GRM8: variants seen among roughly 807,000 people sequenced by gnomAD.
GRM8 encodes the protein glutamate metabotropic receptor 8, also known as metabotropic glutamate receptor 8.
Under a neutral mutation model 87.2 loss-of-function variants are expected in GRM8, and 47 were observed. The observed-to-expected ratio is 0.54, with a 90% confidence interval of 0.43 to 0.69. GRM8 has a LOEUF of 0.69. Ranked by LOEUF, GRM8 falls within the 30% of genes least tolerant of loss-of-function variation. The pLI is 0.00. For missense variants in GRM8, 1,019 were observed against 1,139.2 expected, an observed-to-expected ratio of 0.89 and a Z score of 1.52; for synonymous variants, 396 against 404.5, an observed-to-expected ratio of 0.98 and a Z score of 0.25.
intron 9 of GRM8, among the ~76,000 whole-genome samples, chr7:126,500,624 T>C (rs1477645423): frequency 6.6e-6 from 1 of 151,968 alleles, no homozygotes; most frequent in Non-Finnish European, 1.5e-5. Context: ...AAACAATGCA[T>C]GAAAAATATT....
chr7:127,080,602 G>A (rs1822750873), intron 3 of GRM8: 1 of 152,034 alleles, frequency 6.6e-6, no homozygotes, highest in Non-Finnish European at 1.5e-5. Flanking sequence ...TTCTGGCCAA[G>A]GAGATATAAG....
chr7:126,778,355 C>A (rs138641726), intron 6 of GRM8, among the ~76,000 whole-genome samples: 1 of 152,142 alleles, frequency 6.6e-6, no homozygotes. Flanking sequence ...GTGCTTCAGG[C>A]AGGTGCCAGG....
At chr7:126,661,170 G>A (rs932258389) in intron 7 of GRM8, among the ~76,000 whole-genome samples, 7 of 152,076 alleles carry the variant, frequency 4.6e-5, no homozygotes, top group Admixed American at 6.6e-5. Context: ...GAGTGTAATC[G>A]GATTGTTTGT....
chr7:127,085,649 A>C (rs1043047080), intron 3 of GRM8, among the ~76,000 whole-genome samples: 4 of 152,014 alleles, frequency 2.6e-5, no homozygotes, highest in Non-Finnish European at 4.4e-5. Context: ...CCACGTTTTG[A>C]TGGGGTTGTT....
At chr7:126,748,525 A>G (rs1393025083) in intron 7 of GRM8, among the ~76,000 whole-genome samples, 1 of 151,906 alleles carries the variant, frequency 6.6e-6, no homozygotes, top group Non-Finnish European at 1.5e-5. Flanking sequence ...ATAGATGGGA[A>G]GACTGAACCG....
chr7:126,871,756 T>C (rs1799116576), intron 6 of GRM8, among the ~76,000 whole-genome samples: 1 of 152,150 alleles, frequency 6.6e-6, no homozygotes, highest in South Asian at 2.1e-4. Context: ...ATTTTGTACA[T>C]TTTGCGTTAT....
At chr7:126,687,963 C>G (rs1808361925) in intron 7 of GRM8, among the ~76,000 whole-genome samples, 1 of 151,766 alleles carries the variant, frequency 6.6e-6, no homozygotes, top group South Asian at 2.1e-4. Context: ...CTCATTTTTT[C>G]TATTGGGTTG....
intron 6 of GRM8, among the ~76,000 whole-genome samples, chr7:126,887,326 G>T (rs576220322): frequency 6.6e-6 from 1 of 152,138 alleles, no homozygotes; most frequent in South Asian, 2.1e-4. Flanking sequence ...CTTTATATTT[G>T]CCATGTTAAA....
intron 3 of GRM8, among the ~76,000 whole-genome samples, chr7:127,001,752 T>C (rs1193012265): frequency 2.0e-5 from 3 of 151,634 alleles, no homozygotes; most frequent in African/African-American, 7.2e-5. Flanking sequence ...ATCAGATTTA[T>C]TCATAGTAGC....
chr7:126,720,660 T>C (rs1812297111), intron 7 of GRM8, among the ~76,000 whole-genome samples: 1 of 152,102 alleles, frequency 6.6e-6, no homozygotes, highest in Non-Finnish European at 1.5e-5. Context: ...ATAATTCTAA[T>C]ATACTAATAA....
At chr7:127,212,420 T>TTA (rs1348291666) in intron 2 of GRM8, among the ~76,000 whole-genome samples, 47 of 126,532 alleles carry the variant, frequency 3.7e-4, no homozygotes, top group Middle Eastern at 3.9e-3. Flanking sequence ...ATTTTTTTTT[T>TTA]TTTTTTTTTT....
At chr7:126,948,010 G>T (rs1204561) in intron 3 of GRM8, among the ~76,000 whole-genome samples, 116,883 of 152,078 alleles carry the variant, frequency 0.77, 45,256 homozygotes, top group East Asian at 0.97. Context: ...TACTTTTAAG[G>T]TTTGTGATTC....
At chr7:127,233,157 A>C (rs1033785150) in intron 2 of GRM8, among the ~76,000 whole-genome samples, 5 of 152,184 alleles carry the variant, frequency 3.3e-5, no homozygotes, top group Non-Finnish European at 7.3e-5. Flanking sequence ...AAGAAAGCTT[A>C]AGAATTAGAG....
intron 6 of GRM8, among the ~76,000 whole-genome samples, chr7:126,878,622 C>T (rs945486593): frequency 3.4e-4 from 52 of 150,898 alleles, no homozygotes; most frequent in East Asian, 3.2e-3. Flanking sequence ...CGGGTTCAAG[C>T]GATTCTCCAG....
chr7:126,473,250 G>T (rs1377736610), intron 9 of GRM8, among the ~76,000 whole-genome samples: 1 of 152,178 alleles, frequency 6.6e-6, no homozygotes, highest in African/African-American at 2.4e-5. Context: ...GCCGGAACTG[G>T]GGTGGTATTC....
intron 3 of GRM8, among the ~76,000 whole-genome samples, chr7:127,034,450 T>C (rs1176643843): frequency 6.6e-6 from 1 of 152,128 alleles, no homozygotes; most frequent in Non-Finnish European, 1.5e-5. Flanking sequence ...TGCCCCAAAA[T>C]AAACTTAAGA....
intron 6 of GRM8, among the ~76,000 whole-genome samples, chr7:126,840,899 C>A (rs563868710): frequency 2.0e-5 from 3 of 152,224 alleles, no homozygotes; most frequent in African/African-American, 7.2e-5. Flanking sequence ...AGAGGAAGAT[C>A]TGAAAATGTA....
chr7:126,752,458 T>C (rs1477895836), intron 7 of GRM8, among the ~76,000 whole-genome samples: 3 of 152,146 alleles, frequency 2.0e-5, no homozygotes, highest in African/African-American at 7.2e-5. Flanking sequence ...ATGTTCACAG[T>C]GTGAACTTCA....
At chr7:126,501,141 C>T (rs754007290) in intron 9 of GRM8, among the ~76,000 whole-genome samples, 9 of 151,934 alleles carry the variant, frequency 5.9e-5, no homozygotes, top group Admixed American at 2.0e-4. Flanking sequence ...GAATTACTTA[C>T]GTTTTACAGC....
Sources: allele counts gnomAD v4.1 joint callset (sites outside exome capture counted in the v4.1 genomes callset), GRCh38; gene constraint gnomAD v4.1.1; transcripts MANE v1.5; gene names NCBI Gene and HGNC (gene_info 2026-07-23, HGNC 2026-07-21).